The following WDPCP variants were observed in gnomAD, a reference collection of about 807,000 sequenced individuals.
The protein encoded by WDPCP is WD repeat containing planar cell polarity effector.
Under a neutral mutation model 93.1 loss-of-function variants are expected in WDPCP, and 71 were observed. That is an observed-to-expected ratio of 0.76 (90% CI 0.63 to 0.93). The LOEUF is 0.93. WDPCP is among the 40% of genes least tolerant of loss of function. The pLI is 0.00. For synonymous variants in WDPCP, 315 were observed against 315.0 expected, an observed-to-expected ratio of 1.00 and a Z score of 0.00; for missense variants, 844 against 887.4, an observed-to-expected ratio of 0.95 and a Z score of 0.62.
At chr2:63,683,516 A>T (rs1386123299) in intron 2 of WDPCP, among the ~76,000 whole-genome samples, 2 of 152,180 alleles carry the variant, frequency 1.3e-5, no homozygotes, top group Non-Finnish European at 2.9e-5. Flanking sequence ...TCATAATATG[A>T]TATTTATATC....
At chr2:63,570,902 A>AT (rs544776845) in intron 1 of WDPCP, among the ~76,000 whole-genome samples, 5 of 148,906 alleles carry the variant, frequency 3.4e-5, no homozygotes, top group South Asian at 2.1e-4. Context: ...CTTTGGGTAA[A>AT]TTTTTTTTTT....
intron 14 of WDPCP, among the ~76,000 whole-genome samples, chr2:63,218,833 G>T (rs1055455482): frequency 6.6e-6 from 1 of 151,836 alleles, no homozygotes; most frequent in Non-Finnish European, 1.5e-5. Context: ...TGCAGCTAGC[G>T]AAAATACAGA....
At chr2:63,446,951 A>C (rs1697907347) in intron 6 of WDPCP, among the ~76,000 whole-genome samples, 1 of 152,248 alleles carries the variant, frequency 6.6e-6, no homozygotes, top group South Asian at 2.1e-4. Context: ...TCACATAGTA[A>C]ATTAATAAAT....
At chr2:63,694,352 G>A (rs1443344493) in intron 2 of WDPCP, among the ~76,000 whole-genome samples, 22 of 152,020 alleles carry the variant, frequency 1.4e-4, no homozygotes, top group Admixed American at 1.4e-3. Flanking sequence ...GTTGTTGAGA[G>A]GTACCTTATA....
chr2:63,382,595 G>C lies in WDPCP; in HGVS notation c.1436-501C>G, dbSNP rs868366183. Among the ~76,000 whole-genome samples the C allele has an allele frequency of 7.2e-5, 11 of 152,152 alleles. 1 individual carries two copies. The highest frequency in any genetic ancestry group is 6.2e-4 in the South Asian group (3 of 4,814). The stretch of plus-strand genomic sequence containing the variant: ...TAATCATGAAAGAAAATGAGAAAAT[G>C]TATGTGAAATTACTTTTAAGCCACA... On this transcript the variant is annotated intron_variant, in intron 10 of 17. Coordinates refer to ENST00000272321, the MANE Select transcript of WDPCP (RefSeq NM_015910.7).
intron 3 of WDPCP, among the ~76,000 whole-genome samples, chr2:63,615,169 C>T (rs1709659470): frequency 6.6e-6 from 1 of 152,152 alleles, no homozygotes. Flanking sequence ...AGGCTGCAAA[C>T]ACAGATAAGG....
intron 1 of WDPCP, among the ~76,000 whole-genome samples, chr2:63,559,770 A>C (rs1252203772): frequency 1.3e-5 from 2 of 152,222 alleles, no homozygotes; most frequent in African/African-American, 4.8e-5. Context: ...TCCACTGCTT[A>C]AGGAAATCAG....
chr2:63,731,895 TTTAGA>T (rs1669566914), intron 2 of WDPCP, among the ~76,000 whole-genome samples: 1 of 152,190 alleles, frequency 6.6e-6, no homozygotes, highest in Admixed American at 6.5e-5. Flanking sequence ...ATTTGTTCTG[TTTAGA>T]TTAAGCAAAG....
intron 14 of WDPCP, among the ~76,000 whole-genome samples, chr2:63,212,606 C>A (rs892497665): frequency 2.6e-5 from 4 of 152,106 alleles, no homozygotes; most frequent in Non-Finnish European, 5.9e-5. Context: ...GGAACAAATT[C>A]ACACATAACA....
intron 13 of WDPCP, among the ~76,000 whole-genome samples, chr2:63,293,508 A>G (rs1352896687): frequency 6.6e-6 from 1 of 152,158 alleles, no homozygotes. Flanking sequence ...ATAGGAAAGT[A>G]TGGCCTATTT....
At chr2:63,609,855 G>C (rs1048109771) in intron 3 of WDPCP, among the ~76,000 whole-genome samples, 1 of 152,232 alleles carries the variant, frequency 6.6e-6, no homozygotes, top group Non-Finnish European at 1.5e-5. Context: ...CTGGGTGACA[G>C]AGCAAGATTG....
chr2:63,282,691 A>G (rs950490164), intron 13 of WDPCP, among the ~76,000 whole-genome samples: 1 of 152,196 alleles, frequency 6.6e-6, no homozygotes, highest in Non-Finnish European at 1.5e-5. Context: ...TATAAAATAA[A>G]TAAAAGTGAA....
chr2:63,300,610 T>G (rs1402826018), intron 13 of WDPCP, among the ~76,000 whole-genome samples: 1 of 152,234 alleles, frequency 6.6e-6, no homozygotes, highest in Non-Finnish European at 1.5e-5. Context: ...CTTTCCTGTT[T>G]GCAACTATCA....
intron 5 of WDPCP, 23 bp from the exon 6 acceptor site, chr2:63,484,686 A>G: frequency 6.2e-7 from 1 of 1,612,690 alleles, no homozygotes; most frequent in South Asian, 1.1e-5. Flanking sequence ...AGAAAAAGAG[A>G]GAGCGTAGTT....
At chr2:63,177,341 A>G (rs1447088172) in intron 14 of WDPCP, among the ~76,000 whole-genome samples, 1 of 152,216 alleles carries the variant, frequency 6.6e-6, no homozygotes, top group Non-Finnish European at 1.5e-5. Context: ...GGCAATACTG[A>G]CATTTTAACA....
At chr2:63,558,190 C>G (rs940905847) in intron 1 of WDPCP, among the ~76,000 whole-genome samples, 1 of 151,956 alleles carries the variant, frequency 6.6e-6, no homozygotes, top group Non-Finnish European at 1.5e-5. Context: ...AATCCAGTAG[C>G]TGGTTTTTTG....
chr2:63,652,305 T>C (rs887736665), intron 2 of WDPCP, among the ~76,000 whole-genome samples: 1 of 152,260 alleles, frequency 6.6e-6, no homozygotes, highest in African/African-American at 2.4e-5. Flanking sequence ...GCACAACCTC[T>C]GGGTGAAGGT....
upstream of WDPCP, chr2:63,589,083 C>G (rs200487040): frequency 1.9e-6 from 3 of 1,614,124 alleles, no homozygotes. Context: ...CACCTCTGGC[C>G]CTCGCGCCCT....
At chr2:63,320,549 T>G (rs1241979394) in intron 12 of WDPCP, among the ~76,000 whole-genome samples, 3 of 152,104 alleles carry the variant, frequency 2.0e-5, no homozygotes, top group East Asian at 3.8e-4. Flanking sequence ...GTAAATGAAC[T>G]GATACAGTTC....
Sources: gnomAD v4.1 joint callset for allele counts (sites outside exome capture counted in the v4.1 genomes callset) on GRCh38, gnomAD v4.1.1 for gene constraint, MANE v1.5 for transcripts, NCBI Gene and HGNC (gene_info 2026-07-23, HGNC 2026-07-21) for gene names.